The following BMP6 variants were observed in gnomAD, a reference collection of about 807,000 sequenced individuals.
The protein encoded by BMP6 is bone morphogenetic protein 6.
A neutral mutation model predicts 54.1 loss-of-function variants in BMP6; 17 were observed. The observed-to-expected ratio is 0.31, with a 90% confidence interval of 0.22 to 0.47. The LOEUF (loss-of-function observed/expected upper bound fraction) is 0.47. Ranked by LOEUF, BMP6 falls within the 20% of genes least tolerant of loss-of-function variation. BMP6 has a pLI of 1.00. For synonymous variants in BMP6, 328 were observed against 291.2 expected (o/e 1.13, Z -1.28); for missense variants, 720 against 690.4 (o/e 1.04, Z -0.48).
intron 1 of BMP6, among the ~76,000 whole-genome samples, chr6:7,798,404 C>T (rs1454410424): frequency 2.0e-5 from 3 of 152,212 alleles, no homozygotes; most frequent in African/African-American, 4.8e-5. Context: ...AGTCCCTGTT[C>T]GCAGTCATGC....
At chr6:7,833,314 G>A (rs1009248785) in intron 1 of BMP6, among the ~76,000 whole-genome samples, 11 of 152,272 alleles carry the variant, frequency 7.2e-5, no homozygotes, top group African/African-American at 1.4e-4. Flanking sequence ...ATAGCTCCCC[G>A]TGCCTGTAGC....
At chr6:7,802,774 C>G (rs1489579258) in intron 1 of BMP6, among the ~76,000 whole-genome samples, 1 of 152,186 alleles carries the variant, frequency 6.6e-6, no homozygotes. Flanking sequence ...GTTTCCTCAT[C>G]CCAGAGAGAC....
rs536472772 is a variant in BMP6, at chr6:7,727,768, C to G, written c.664+149C>G. 6.0e-6 allele frequency: 6 copies of G among 1,008,270 alleles called. No homozygotes were observed. The African/African-American group carries it at 1.0e-4, about 17-fold the overall frequency. The allele number at this position is 1,008,270 out of a possible 1,614,324, so 62.5% of individuals were successfully genotyped here. ...ACGCGGGGACAGGCAGGCTGTGCTC[C>G]CGCCACCTGCGCGGCGGTGGGCGGC... On this transcript the variant is annotated intron_variant, in intron 1 of 6. Coordinates refer to ENST00000283147, the MANE Select transcript of BMP6 (RefSeq NM_001718.6).
At chr6:7,820,900 G>A (rs1181644625) in intron 1 of BMP6, among the ~76,000 whole-genome samples, 1 of 152,220 alleles carries the variant, frequency 6.6e-6, no homozygotes, top group Non-Finnish European at 1.5e-5. Flanking sequence ...GATCGCTTGT[G>A]TGCCCGGTTC....
intron 1 of BMP6, among the ~76,000 whole-genome samples, chr6:7,784,129 T>C (rs1757988092): frequency 6.6e-6 from 1 of 152,246 alleles, no homozygotes; most frequent in Non-Finnish European, 1.5e-5. Context: ...GTATATTATA[T>C]AGAAATGTTA....
rs1446519445 is a variant in BMP6 at position 7,881,202 on chromosome 6, G to C, written c.*859G>C. ...TTACTATACAGCATACCACGCCACA[G>C]GGTTAGAACCAACGAAGAAAATAAA... On this transcript the variant is annotated 3_prime_UTR_variant, in exon 7 of 7. Transcript: ENST00000283147. 6.6e-6 allele frequency: 1 copy of C among 152,530 alleles called. No homozygotes were observed. Among genetic ancestry groups the C allele is most frequent in the Admixed American group, 6.6e-5 (1 of 15,266 alleles). The allele number at this position is 152,530 out of a possible 1,614,324, so 9.4% of individuals were successfully genotyped here. A position where few individuals can be genotyped will look rare whatever the true frequency, so the allele number is the denominator to read the frequency against.
At chr6:7,835,917 A>C (rs1581269676) in intron 1 of BMP6, among the ~76,000 whole-genome samples, 1 of 151,496 alleles carries the variant, frequency 6.6e-6, no homozygotes, top group Non-Finnish European at 1.5e-5. Flanking sequence ...GCTCCCTGCA[A>C]CCTCTGCCTC....
chr6:7,861,439 T>C lies in BMP6; in HGVS notation c.858-12T>C, dbSNP rs759111751. 1 of 1,613,372 alleles carries C rather than the reference T, an allele frequency of 6.2e-7. No individual in the cohort carries two copies. The highest frequency in any genetic ancestry group is 8.5e-7 in the Non-Finnish European group (1 of 1,179,672). On this transcript the variant is annotated splice_polypyrimidine_tract_variant and intron_variant, in intron 2 of 6. Coordinates refer to ENST00000283147, the MANE Select transcript of BMP6 (RefSeq NM_001718.6). ...GTGCGCTATTTACCAGGCCATTTTT[T>C]CTTTCTTTCAGAGACTCTGACCTGT...
chr6:7,845,567 C>T (rs1759048831), intron 2 of BMP6, among the ~76,000 whole-genome samples: 1 of 152,170 alleles, frequency 6.6e-6, no homozygotes, highest in East Asian at 1.9e-4. Context: ...TTATTATAAG[C>T]ATCTTTTGTG....
In BMP6 at chr6:7,879,881, A is replaced by G. The variant is rs890041168; in HGVS notation, c.1282-110A>G. 3.0e-5 allele frequency: 34 copies of G among 1,118,114 alleles called. No individual in the cohort carries two copies. The Admixed American group carries it at 6.3e-4, about 21-fold the overall frequency. 69.3% of individuals were successfully genotyped at this position (1,118,114 alleles called of 1,614,324 possible). A position where few individuals can be genotyped will look rare whatever the true frequency, so the allele number is the denominator to read the frequency against. The stretch of plus-strand genomic sequence containing the variant: ...AATTCCTAAGCCTTCCTGCGTCTGT[A>G]TCCTTGCCTGTGCAATGTGAAAAAT... On this transcript the variant is annotated intron_variant, in intron 5 of 6. Coordinates refer to ENST00000283147, the MANE Select transcript of BMP6 (RefSeq NM_001718.6).
At chr6:7,785,633 T>C (rs1414380801) in intron 1 of BMP6, among the ~76,000 whole-genome samples, 1 of 152,194 alleles carries the variant, frequency 6.6e-6, no homozygotes, top group African/African-American at 2.4e-5. Flanking sequence ...CCATGTCTGC[T>C]GCTAGAAGGA....
chr6:7,777,315 G>T (rs1757876287), intron 1 of BMP6, among the ~76,000 whole-genome samples: 1 of 152,224 alleles, frequency 6.6e-6, no homozygotes, highest in Admixed American at 6.5e-5. Flanking sequence ...GCACATTCAG[G>T]CACATACTTC....
chr6:7,735,604 C>G (rs1031074619), intron 1 of BMP6, among the ~76,000 whole-genome samples: 1 of 151,660 alleles, frequency 6.6e-6, no homozygotes, highest in Admixed American at 6.6e-5. Flanking sequence ...TTTTTAAGAT[C>G]AGTTTGAGGT....
chr6:7,815,144 C>T (rs1442119935), intron 1 of BMP6, among the ~76,000 whole-genome samples: 1 of 152,126 alleles, frequency 6.6e-6, no homozygotes, highest in Non-Finnish European at 1.5e-5. Flanking sequence ...ATTCCTGGGA[C>T]TTAAAGGGTC....
At chr6:7,756,437 A>G (rs779359199) in intron 1 of BMP6, among the ~76,000 whole-genome samples, 32 of 152,104 alleles carry the variant, frequency 2.1e-4, no homozygotes, top group Non-Finnish European at 4.4e-4. Flanking sequence ...ACCAATTGTA[A>G]GGTCCTTTCC....
At chr6:7,808,205 C>A (rs1174222602) in intron 1 of BMP6, among the ~76,000 whole-genome samples, 2 of 152,068 alleles carry the variant, frequency 1.3e-5, no homozygotes, top group Non-Finnish European at 2.9e-5. Flanking sequence ...CAGGCGTGAG[C>A]CACCGCGCCC....
chr6:7,790,478 G>A (rs1295363146), intron 1 of BMP6, among the ~76,000 whole-genome samples: 1 of 126,878 alleles, frequency 7.9e-6, no homozygotes, highest in Non-Finnish European at 1.6e-5. Flanking sequence ...AGATCGCACT[G>A]CACTCCAGCC....
chr6:7,866,066 C>T (rs1184810193), intron 4 of BMP6, among the ~76,000 whole-genome samples: 2 of 152,238 alleles, frequency 1.3e-5, no homozygotes, highest in Non-Finnish European at 2.9e-5. Flanking sequence ...GGCTTTCAAG[C>T]TGGACTTTCC....
At chr6:7,867,185 G>A (rs1314783261) in intron 4 of BMP6, among the ~76,000 whole-genome samples, 4 of 152,140 alleles carry the variant, frequency 2.6e-5, no homozygotes, top group Non-Finnish European at 5.9e-5. Flanking sequence ...ATTTTGTAGA[G>A]TAAGTTCTCC....
Sources: allele counts gnomAD v4.1 joint callset (sites outside exome capture counted in the v4.1 genomes callset), GRCh38; gene constraint gnomAD v4.1.1; transcripts MANE v1.5; gene names NCBI Gene and HGNC (gene_info 2026-07-23, HGNC 2026-07-21).